RBFOX1: variants seen among roughly 807,000 people sequenced by gnomAD.
RBFOX1 encodes the protein RNA binding fox-1 homolog 1, also known as RNA binding protein fox-1 homolog 1.
A neutral mutation model predicts 57.7 loss-of-function variants in RBFOX1; 8 were observed. That is an observed-to-expected ratio of 0.14 (90% confidence interval 0.08 to 0.25). The LOEUF (loss-of-function observed/expected upper bound fraction) is 0.25. Ranked by LOEUF, RBFOX1 falls within the 10% of genes least tolerant of loss-of-function variation. The pLI is 1.00. For missense variants in RBFOX1, 611 were observed against 548.5 expected (o/e 1.11, Z -1.14); for synonymous variants, 326 against 222.4 (o/e 1.47, Z -4.15).
intron 1 of RBFOX1, among the ~76,000 whole-genome samples, chr16:6,086,913 T>C (rs896199760): frequency 6.6e-6 from 1 of 152,204 alleles, no homozygotes; most frequent in African/African-American, 2.4e-5. Context: ...TTCTGCTGTT[T>C]AGAGAAAGAC....
At chr16:6,922,967 G>A (rs2074805536) in intron 3 of RBFOX1, among the ~76,000 whole-genome samples, 2 of 152,168 alleles carry the variant, frequency 1.3e-5, no homozygotes, top group Admixed American at 1.3e-4. Context: ...CAAATCAGAT[G>A]ATGTAAGGTG....
chr16:7,340,561 A>G (rs1285643184), intron 4 of RBFOX1, among the ~76,000 whole-genome samples: 1 of 152,250 alleles, frequency 6.6e-6, no homozygotes, highest in African/African-American at 2.4e-5. Flanking sequence ...AAGTCAAGAC[A>G]GTCCAACCAG....
chr16:7,381,501 C>T (rs546943230), intron 4 of RBFOX1, among the ~76,000 whole-genome samples: 11 of 151,618 alleles, frequency 7.3e-5, no homozygotes, highest in African/African-American at 2.7e-4. Context: ...ATCGTTCCCC[C>T]CCGCCTTTTT....
intron 3 of RBFOX1, among the ~76,000 whole-genome samples, chr16:7,034,851 T>TTC (rs1555794110): frequency 1.2e-5 from 1 of 80,882 alleles, no homozygotes; most frequent in Non-Finnish European, 2.4e-5. Flanking sequence ...CTTTTTTCTT[T>TTC]TTTTTTTTTT....
At chr16:6,964,717 G>T (rs1017509735) in intron 3 of RBFOX1, among the ~76,000 whole-genome samples, 1 of 152,176 alleles carries the variant, frequency 6.6e-6, no homozygotes, top group Non-Finnish European at 1.5e-5. Flanking sequence ...CTCTGATGAG[G>T]TAAGGTCCGG....
At chr16:6,909,920 C>CT (rs1045250332) in intron 3 of RBFOX1, among the ~76,000 whole-genome samples, 8 of 151,744 alleles carry the variant, frequency 5.3e-5, no homozygotes, top group Admixed American at 6.6e-5. Context: ...GCAGGATTTG[C>CT]TTTTTTTTGC....
intron 1 of RBFOX1, among the ~76,000 whole-genome samples, chr16:5,379,190 C>T (rs941182419): frequency 2.0e-5 from 3 of 151,640 alleles, no homozygotes; most frequent in Non-Finnish European, 2.9e-5. Flanking sequence ...AAGGCACTGA[C>T]GGGGACCACA....
intron 3 of RBFOX1, among the ~76,000 whole-genome samples, chr16:5,643,237 C>G (rs898425308): frequency 6.6e-6 from 1 of 152,122 alleles, no homozygotes; most frequent in Non-Finnish European, 1.5e-5. Flanking sequence ...CAGGTGAGCC[C>G]CGCTTTTGAC....
chr16:6,221,040 C>T (rs1327022116), intron 1 of RBFOX1, among the ~76,000 whole-genome samples: 1 of 151,886 alleles, frequency 6.6e-6, no homozygotes, highest in Non-Finnish European at 1.5e-5. Flanking sequence ...AAATTTTACT[C>T]TTTTTATTCT....
intron 1 of RBFOX1, among the ~76,000 whole-genome samples, chr16:5,363,031 CTTTTT>C (rs35426149): frequency 2.1e-5 from 2 of 95,416 alleles, no homozygotes; most frequent in Non-Finnish European, 2.0e-5. Context: ...GATTTTAATT[CTTTTT>C]TTTTTTTTTT....
intron 4 of RBFOX1, among the ~76,000 whole-genome samples, chr16:7,436,669 A>T (rs894176777): frequency 6.6e-6 from 1 of 152,224 alleles, no homozygotes; most frequent in Non-Finnish European, 1.5e-5. Flanking sequence ...ACCTTTGAGG[A>T]TGAGATGTCC....
intron 2 of RBFOX1, among the ~76,000 whole-genome samples, chr16:6,506,797 C>T (rs575046001): frequency 6.6e-6 from 1 of 152,000 alleles, no homozygotes; most frequent in Non-Finnish European, 1.5e-5. Context: ...CAGGCACCAA[C>T]CACCATGCCT....
At chr16:7,135,004 C>T (rs1413402709) in intron 4 of RBFOX1, among the ~76,000 whole-genome samples, 1 of 151,500 alleles carries the variant, frequency 6.6e-6, no homozygotes, top group Non-Finnish European at 1.5e-5. Flanking sequence ...AGTGGGATTC[C>T]ACACTGACAA....
intron 1 of RBFOX1, among the ~76,000 whole-genome samples, chr16:6,049,567 G>C (rs761915063): frequency 4.0e-5 from 6 of 151,078 alleles, no homozygotes; most frequent in African/African-American, 1.5e-4. Flanking sequence ...AGGATAAGAA[G>C]GTTTTTTTCC....
At chr16:6,723,370 A>C (rs1474127175) in intron 3 of RBFOX1, among the ~76,000 whole-genome samples, 1 of 152,222 alleles carries the variant, frequency 6.6e-6, no homozygotes, top group African/African-American at 2.4e-5. Context: ...ATAGCATGCA[A>C]CTGTGGATTA....
intron 10 of RBFOX1, among the ~76,000 whole-genome samples, chr16:7,616,103 TTG>T (rs1167130081): frequency 6.6e-6 from 1 of 152,236 alleles, no homozygotes; most frequent in Admixed American, 6.5e-5. Context: ...CACAGCTGTG[TTG>T]GGAGTCCCCA....
At chr16:6,355,694 C>G (rs955888090) in intron 2 of RBFOX1, among the ~76,000 whole-genome samples, 3 of 152,162 alleles carry the variant, frequency 2.0e-5, no homozygotes, top group African/African-American at 7.2e-5. Context: ...GTTCTAGATA[C>G]TTGAGGAATC....
chr16:7,706,655 C>G (rs552597853), intron 14 of RBFOX1, among the ~76,000 whole-genome samples: 1 of 152,266 alleles, frequency 6.6e-6, no homozygotes, highest in African/African-American at 2.4e-5. Context: ...ACTTAACAAA[C>G]TCTCAAGGAT....
At chr16:6,876,484 A>C (rs1369410570) in intron 3 of RBFOX1, among the ~76,000 whole-genome samples, 1 of 152,208 alleles carries the variant, frequency 6.6e-6, no homozygotes, top group Admixed American at 6.5e-5. Flanking sequence ...TCACTATTTT[A>C]TCTTCATCAC....
Sources: allele counts gnomAD v4.1 joint callset (sites outside exome capture counted in the v4.1 genomes callset), GRCh38; gene constraint gnomAD v4.1.1; transcripts MANE v1.5; gene names NCBI Gene and HGNC (gene_info 2026-07-23, HGNC 2026-07-21).